The following FHOD3 variants were observed in gnomAD, a reference collection of about 807,000 sequenced individuals.
The protein encoded by FHOD3 is formin homology 2 domain containing 3.
Under a neutral mutation model 173.0 loss-of-function variants are expected in FHOD3, and 90 were observed. The ratio of observed to expected loss-of-function variants is 0.52; its 90% CI spans 0.44 to 0.62. FHOD3 has a LOEUF of 0.62. Ranked by LOEUF, FHOD3 falls within the 20% of genes least tolerant of loss-of-function variation. The pLI is 0.00. For synonymous variants in FHOD3, 828 were observed against 823.0 expected, an observed-to-expected ratio of 1.01 and a Z score of -0.10; for missense variants, 1,945 against 2,034.7, an observed-to-expected ratio of 0.96 and a Z score of 0.85.
At chr18:36,682,146 T>C (rs2038290842) in intron 15 of FHOD3, among the ~76,000 whole-genome samples, 1 of 152,184 alleles carries the variant, frequency 6.6e-6, no homozygotes, top group Non-Finnish European at 1.5e-5. Context: ...TATCTTGGCC[T>C]GTCTGTCCCC....
At chr18:36,702,593 C>A (rs1274430025) in intron 17 of FHOD3, among the ~76,000 whole-genome samples, 1 of 152,164 alleles carries the variant, frequency 6.6e-6, no homozygotes, top group Non-Finnish European at 1.5e-5. Context: ...TTTCATAAGA[C>A]CTGCCAGAAA....
chr18:36,536,543 A>G (rs980212226), intron 5 of FHOD3, among the ~76,000 whole-genome samples: 1 of 152,234 alleles, frequency 6.6e-6, no homozygotes, highest in Non-Finnish European at 1.5e-5. Context: ...GGTTTTCTGC[A>G]TCTGAGCTCT....
chr18:36,475,751 TACACACACACACACACAC>T (rs58982535), intron 3 of FHOD3, among the ~76,000 whole-genome samples: 4,223 of 143,064 alleles, frequency 0.03, 222 homozygotes, highest in African/African-American at 0.1. Flanking sequence ...TATAGAAACA[TACACACACACACACACAC>T]ACACACACAC....
chr18:36,560,680 G>C (rs1181381254), intron 5 of FHOD3, among the ~76,000 whole-genome samples: 1 of 152,150 alleles, frequency 6.6e-6, no homozygotes, highest in African/African-American at 2.4e-5. Context: ...AAAGCTAAGA[G>C]AGTTTGGGCC....
chr18:36,750,852 T>C (rs988114337), intron 24 of FHOD3, among the ~76,000 whole-genome samples: 1 of 152,262 alleles, frequency 6.6e-6, no homozygotes, highest in Non-Finnish European at 1.5e-5. Context: ...TGTGCCTGTT[T>C]CTGTACTAGT....
intron 3 of FHOD3, among the ~76,000 whole-genome samples, chr18:36,500,299 T>C (rs964311223): frequency 2.0e-5 from 3 of 152,212 alleles, no homozygotes; most frequent in Non-Finnish European, 2.9e-5. Context: ...TACTGAGCTT[T>C]ACCTATCTGT....
intron 6 of FHOD3, among the ~76,000 whole-genome samples, chr18:36,583,934 T>C (rs933799294): frequency 6.6e-6 from 1 of 152,080 alleles, no homozygotes; most frequent in African/African-American, 2.4e-5. Flanking sequence ...CAAGCAATCC[T>C]CCTACCTCAG....
chr18:36,307,017 G>A (rs7234263), intron 1 of FHOD3, among the ~76,000 whole-genome samples: 13 of 152,310 alleles, frequency 8.5e-5, no homozygotes, highest in African/African-American at 3.1e-4. Context: ...AGGCTGGCAT[G>A]CAGTGGCACA....
chr18:36,772,941 A>C (rs1018813775), intron 28 of FHOD3, among the ~76,000 whole-genome samples: 1 of 152,208 alleles, frequency 6.6e-6, no homozygotes, highest in African/African-American at 2.4e-5. Context: ...GAGGGTACCT[A>C]TGCATGAGCA....
intron 27 of FHOD3, among the ~76,000 whole-genome samples, chr18:36,763,517 C>T (rs1331776114): frequency 2.9e-5 from 4 of 137,404 alleles, no homozygotes; most frequent in Non-Finnish European, 6.3e-5. Context: ...GTATTATACA[C>T]GTTATATATA....
At chr18:36,576,567 C>G (rs374078141) in intron 6 of FHOD3, 22 bp downstream of exon 6, 1 of 1,570,686 alleles carries the variant, frequency 6.4e-7, no homozygotes, top group Non-Finnish European at 8.7e-7. Context: ...TTATGGTTGA[C>G]TGTTTTGTTC....
intron 19 of FHOD3, among the ~76,000 whole-genome samples, chr18:36,726,334 T>G (rs2041068088): frequency 1.3e-5 from 2 of 152,142 alleles, no homozygotes; most frequent in Admixed American, 6.6e-5. Flanking sequence ...GGTTTTTTGC[T>G]TTGTTTCCTT....
rs912097316 is a variant in FHOD3, at chr18:36,444,045, T to G, written c.338-57887T>G. Among the ~76,000 whole-genome samples the G allele has an allele frequency of 3.2e-4, 48 of 151,930 alleles. 2 individuals are homozygous for G. The highest frequency in any genetic ancestry group is 1.5e-5 in the Non-Finnish European group (1 of 67,982). Reference sequence around the variant, plus strand: ...CGTCTCTACTAAAAATACAAAAAATTAGCCGGGGGCAGTGGCGGGCGCCTG... The same window carrying G: ...CGTCTCTACTAAAAATACAAAAAATGAGCCGGGGGCAGTGGCGGGCGCCTG... On this transcript the variant is annotated intron_variant, in intron 3 of 28. Coordinates refer to ENST00000590592, the MANE Select transcript of FHOD3 (RefSeq NM_001281740.3).
intron 1 of FHOD3, among the ~76,000 whole-genome samples, chr18:36,339,132 C>A (rs1272859398): frequency 1.3e-5 from 2 of 152,080 alleles, no homozygotes; most frequent in Non-Finnish European, 2.9e-5. Context: ...ATGTCCCGGG[C>A]CCCACCTGCT....
chr18:36,424,051 C>T (rs2050123527), intron 3 of FHOD3, among the ~76,000 whole-genome samples: 1 of 152,150 alleles, frequency 6.6e-6, no homozygotes, highest in Non-Finnish European at 1.5e-5. Context: ...AGCCACACAG[C>T]AATACACAAA....
chr18:36,546,745 C>T (rs1026230878), intron 5 of FHOD3, among the ~76,000 whole-genome samples: 1 of 152,134 alleles, frequency 6.6e-6, no homozygotes, highest in Admixed American at 6.5e-5. Context: ...GCACATCATG[C>T]ATTTGGAGTG....
chr18:36,670,272 T>C (rs1263492355), intron 14 of FHOD3, among the ~76,000 whole-genome samples: 1 of 152,110 alleles, frequency 6.6e-6, no homozygotes, highest in African/African-American at 2.4e-5. Context: ...GTGTTTACAG[T>C]TTTCATCAAA....
At chr18:36,735,202 C>T (rs535776187) in intron 20 of FHOD3, among the ~76,000 whole-genome samples, 21 of 152,242 alleles carry the variant, frequency 1.4e-4, no homozygotes, top group African/African-American at 3.9e-4. Flanking sequence ...AATCAGCATC[C>T]TAGAAACAGA....
chr18:36,462,758 A>G (rs539608594), intron 3 of FHOD3, among the ~76,000 whole-genome samples: 1 of 152,306 alleles, frequency 6.6e-6, no homozygotes, highest in African/African-American at 2.4e-5. Context: ...CTGTGTAGCT[A>G]GGGCTACTCG....
Sources: gnomAD v4.1 joint callset for allele counts (sites outside exome capture counted in the v4.1 genomes callset) on GRCh38, gnomAD v4.1.1 for gene constraint, MANE v1.5 for transcripts, NCBI Gene and HGNC (gene_info 2026-07-23, HGNC 2026-07-21) for gene names.